HECTD3: variants seen among roughly 807,000 people sequenced by gnomAD.
The protein encoded by HECTD3 is HECT domain E3 ubiquitin protein ligase 3.
HECTD3 carries 72 observed loss-of-function variants against 109.3 expected under a neutral mutation model. That is an observed-to-expected ratio of 0.66 (90% confidence interval 0.54 to 0.80). The LOEUF is 0.80. Ranked by LOEUF, HECTD3 falls within the 30% of genes least tolerant of loss-of-function variation. The pLI is 0.00. For synonymous variants in HECTD3, 481 were observed against 471.8 expected, an observed-to-expected ratio of 1.02 and a Z score of -0.25; for missense variants, 1,041 against 1,165.2, an observed-to-expected ratio of 0.89 and a Z score of 1.55.
At position 45,004,350 on chromosome 1, in the gene HECTD3, T is replaced by G; in HGVS notation, c.2170A>C (p.Lys724Gln). Residue 724 changes from lysine (K) to glutamine (Q), a missense_variant, in exon 17 of 21, where the codon AAG becomes CAG. Physicochemically the swap from Lys to Gln is moderately conservative, Grantham distance 53 (BLOSUM62 1). Coordinates refer to ENST00000372172, the MANE Select transcript of HECTD3 (RefSeq NM_024602.6). ...TCCAGCACAGCCTGTGGTACCACCT[T>G]CAGCAGACCTGCCTGCATAGCTGCC... ...QVAAMQAGLLKVVPQAVLDLL... is the reference protein window; with the variant it reads ...QVAAMQAGLLQVVPQAVLDLL... 6.2e-7 allele frequency: 1 copy of G among 1,614,110 alleles called. No individual in the cohort carries two copies. Among genetic ancestry groups the G allele is most frequent in the Non-Finnish European group, 8.5e-7 (1 of 1,179,956 alleles).
intron 15 of HECTD3, chr1:45,005,455 T>G: frequency 4.1e-6 from 1 of 246,464 alleles, no homozygotes. Context: ...CCTGTGGGCT[T>G]TGGGATGGGG....
Position 45,009,873 on chromosome 1 carries a change from G to T in HECTD3, c.759+113C>A, listed in dbSNP as rs963784082. On this transcript the variant is annotated intron_variant, in intron 4 of 20. Coordinates refer to ENST00000372172, the MANE Select transcript of HECTD3 (RefSeq NM_024602.6). ...CAAGATGGGGAGCTGAACTGAGTGT[G>T]GCCTGTGGGGACCCTGTTTTAGTCC... 1.2e-5 allele frequency: 16 copies of T among 1,322,334 alleles called. No individual in the cohort carries two copies. The African/African-American group carries it at 2.4e-4, about 19-fold the overall frequency. 81.9% of individuals were successfully genotyped at this position (1,322,334 alleles called of 1,614,324 possible).
chr1:45,003,775 G>A lies in HECTD3; in HGVS notation c.2430-35C>T, dbSNP rs150812616. 63 of 1,613,348 alleles carry A rather than the reference G, an allele frequency of 3.9e-5. No individual in the cohort carries two copies. The African/African-American group carries it at 7.3e-4, about 19-fold the overall frequency. ...TTGAGGGACCATAGGTCAGGAAGAT[G>A]TGTTGGGGCACATGTACGTGTGTGG... On this transcript the variant is annotated intron_variant, in intron 19 of 20. Coordinates refer to ENST00000372172, the MANE Select transcript of HECTD3 (RefSeq NM_024602.6). The surrounding 1 kb of genome is among the most constrained non-coding windows in gnomAD (Gnocchi z 4.7).
chr1:45,007,073 C>T lies in HECTD3; in HGVS notation c.1557-58G>A, dbSNP rs1644741910. The T allele has an allele frequency of 1.2e-5, 19 of 1,600,676 alleles. No individual in the cohort carries two copies. In the South Asian group the frequency reaches 2.1e-4, roughly 18 times the overall value. On this transcript the variant is annotated intron_variant, in intron 11 of 20. Transcript: ENST00000372172. ...TGGGGCCAGGTGCAGCACAATTCATCAGCTCAGAGACCACCTGGGAAAAGC... is the reference window on the plus strand; with the variant it reads ...TGGGGCCAGGTGCAGCACAATTCATTAGCTCAGAGACCACCTGGGAAAAGC...
In HECTD3 at chr1:45,010,236, C is replaced by T. The variant is rs1437232312; in HGVS notation, c.588G>A (p.Pro196=). The T allele has an allele frequency of 4.3e-6, 7 of 1,613,938 alleles. No individual in the cohort carries two copies. Among genetic ancestry groups the T allele is most frequent in the Non-Finnish European group, 5.9e-6 (7 of 1,180,024 alleles). ...YSHRLGSRPQ[P]AEAYAEAVQR... ...GTACAGCTTCTGCGTATGCCTCTGCCGGCTGAGGTCTCGATCCCAGGCGAT... is the reference window on the plus strand; with the variant it reads ...GTACAGCTTCTGCGTATGCCTCTGCTGGCTGAGGTCTCGATCCCAGGCGAT... Residue 196 remains proline, a synonymous_variant, in exon 3 of 21, where the codon CCG becomes CCA. Transcript: ENST00000372172.
At position 45,006,252 on chromosome 1, in the gene HECTD3, C is replaced by A; in HGVS notation, c.1726-136G>T. On this transcript the variant is annotated intron_variant, in intron 13 of 20. Transcript: ENST00000372172. The surrounding 1 kb of genome is among the most constrained non-coding windows in gnomAD (Gnocchi z 4.7). ...TCAAATGCACAGTGGCTCCTCCTCTCCCTGTCTGCCCAGAGGTTGCCCTGA... is the reference window on the plus strand; with the variant it reads ...TCAAATGCACAGTGGCTCCTCCTCTACCTGTCTGCCCAGAGGTTGCCCTGA... 8.8e-7 allele frequency: 1 copy of A among 1,136,656 alleles called. No homozygotes were observed. Among genetic ancestry groups the A allele is most frequent in the Non-Finnish European group, 1.3e-6 (1 of 789,364 alleles). 70.4% of individuals were successfully genotyped at this position (1,136,656 alleles called of 1,614,324 possible).
chr1:45,004,007 C>T, intron 18 of HECTD3, 53 bp downstream of exon 18: 1 of 1,612,822 alleles, frequency 6.2e-7, no homozygotes. Context: ...CCTGCCTCTG[C>T]AACTCAGCAG....
rs1644737975 is a variant in HECTD3 at position 45,006,600 on chromosome 1, C to T, written c.1725+92G>A. 5.5e-6 allele frequency: 6 copies of T among 1,092,318 alleles called. No homozygotes were observed. In the South Asian group the frequency reaches 8.9e-5, roughly 16 times the overall value. 67.7% of individuals were successfully genotyped at this position (1,092,318 alleles called of 1,614,324 possible). A position where few individuals can be genotyped will look rare whatever the true frequency, so the allele number is the denominator to read the frequency against. The stretch of plus-strand genomic sequence containing the variant: ...TACAGGCGTGAGCCACTGTGCCTGC[C>T]CCCTTTCTAGCTCAATCTGGCCCCC... On this transcript the variant is annotated intron_variant, in intron 13 of 20. Coordinates refer to ENST00000372172, the MANE Select transcript of HECTD3 (RefSeq NM_024602.6). The surrounding 1 kb of genome is among the most constrained non-coding windows in gnomAD (Gnocchi z 4.7).
In HECTD3 at chr1:45,007,004, C is replaced by A. The variant is rs747456236; in HGVS notation, c.1568G>T (p.Arg523Leu). The change falls in exon 12 of 21, where the codon CGC becomes CTC. Residue 523 changes from arginine (R) to leucine (L), a missense_variant. Arg to Leu is a moderately radical substitution (Grantham distance 102). Around this residue, in one of 2 missense-constraint regions of HECTD3, gnomAD observed 569 missense variants for 715.3 expected, o/e 0.80. Transcript: ENST00000372172. ...TTTACACTCCCACCACTGGTCATAG[C>A]GCATGGGCCACCTGCAAAAAACGTG... is the stretch of plus-strand genomic sequence containing the variant. The part of the protein sequence containing the change: ...EKPLDYRWPM[R>L]YDQWWECKFI... 1 of 1,614,074 alleles carries A rather than the reference C, an allele frequency of 6.2e-7. No individual in the cohort carries two copies. The highest frequency in any genetic ancestry group is 8.5e-7 in the Non-Finnish European group (1 of 1,180,016).
At chr1:45,004,501 TC>T in intron 16 of HECTD3, 98 bp downstream of exon 16, 1 of 1,592,534 alleles carries the variant, frequency 6.3e-7, no homozygotes, top group Non-Finnish European at 8.6e-7. Flanking sequence ...GGGCCAGAGT[TC>T]TTGGAGTACT....
intron 15 of HECTD3, chr1:45,005,112 G>T: frequency 2.1e-6 from 1 of 467,094 alleles, no homozygotes; most frequent in South Asian, 2.1e-5. Flanking sequence ...AAAGGCCTAA[G>T]GAAACTGTGT....
chr1:45,006,682 C>A lies in HECTD3; in HGVS notation c.1725+10G>T. 6.2e-7 allele frequency: 1 copy of A among 1,605,798 alleles called. No individual in the cohort carries two copies. Among genetic ancestry groups the A allele is most frequent in the Non-Finnish European group, 8.5e-7 (1 of 1,174,924 alleles). ...CCTGGGAGGTTTGCAGAGATGGAAA[C>A]GGAGATTACCTGGTTGGCTGTGCGT... On this transcript the variant is annotated intron_variant, in intron 13 of 20. Transcript: ENST00000372172. This position sits in a 1 kb window ranked among gnomAD's most constrained non-coding sequence, Gnocchi z 4.7.
At position 45,010,909 on chromosome 1, in the gene HECTD3, G is replaced by T; in HGVS notation, c.349C>A (p.Leu117Ile). The T allele has an allele frequency of 6.5e-7, 1 of 1,544,014 alleles. No homozygotes were observed. The highest frequency in any genetic ancestry group is 8.6e-7 in the Non-Finnish European group (1 of 1,156,462). Reference sequence around the variant, plus strand: ...CGCACCTTTGTCAGCTTCACCCAGAGCCCGTGGCCATTGCACAGCTCCTCG... The same window carrying T: ...CGCACCTTTGTCAGCTTCACCCAGATCCCGTGGCCATTGCACAGCTCCTCG... ...TGEELCNGHG[L>I]WVKLTKEQLA... is the part of the protein sequence containing the mutation. The change falls in exon 1 of 21, where the codon CTC becomes ATC. Residue 117 changes from leucine to isoleucine, a missense_variant. By Grantham distance (5) the Leu-to-Ile change is conservative. Around this residue, in one of 2 missense-constraint regions of HECTD3, gnomAD observed 472 missense variants for 449.9 expected, o/e 1.05. Transcript: ENST00000372172.
At position 45,008,690 on chromosome 1, in the gene HECTD3, C is replaced by A. The variant is rs1644757691; in HGVS notation, c.1084G>T (p.Asp362Tyr). The stretch of plus-strand genomic sequence containing the variant: ...ATCTTGACCCCTCGGAGACGAACAT[C>A]AATCCCATCATCTGGGGGAAGGGGT... ...RIVECRDDGI[D>Y]VRLRGVKIKS... The change falls in exon 8 of 21, where the codon GAT becomes TAT. Residue 362 changes from aspartate to tyrosine, a missense_variant. By Grantham distance (160) the Asp-to-Tyr change is radical. Transcript: ENST00000372172. 6.2e-7 allele frequency: 1 copy of A among 1,613,328 alleles called. No individual in the cohort carries two copies. The highest frequency in any genetic ancestry group is 1.3e-5 in the African/African-American group (1 of 75,018).
Position 45,009,647 on chromosome 1 carries a change from C to T in HECTD3, c.796G>A (p.Ala266Thr), listed in dbSNP as rs1276960299. 2 of 1,614,082 alleles carry T rather than the reference C, an allele frequency of 1.2e-6. No homozygotes were observed. The highest frequency in any genetic ancestry group is 1.1e-5 in the South Asian group (1 of 91,080). The change falls in exon 5 of 21, where the codon GCC (alanine) becomes ACC (threonine). Residue 266 changes from alanine to threonine, a missense_variant. Ala to Thr is a moderately conservative substitution (Grantham distance 58). Coordinates refer to ENST00000372172, the MANE Select transcript of HECTD3 (RefSeq NM_024602.6). ...FNVSCLTDSN[A>T]DTYWESDGSQ... ...CCATCGCTCTCCCAGTAGGTATCGG[C>T]ATTGCTGTCTGTCAGGCAGGACACG...
intron 15 of HECTD3, chr1:45,005,445 C>T (rs1644727331): frequency 4.1e-6 from 1 of 244,752 alleles, no homozygotes. Flanking sequence ...GAAGGATGGC[C>T]CTGTGGGCTT....
chr1:45,010,166 G>A (rs762793119), intron 3 of HECTD3, 35 bp downstream of exon 3: 15 of 1,613,908 alleles, frequency 9.3e-6, no homozygotes, highest in Non-Finnish European at 1.3e-5. Flanking sequence ...CAGACGCAGA[G>A]CTCCTTCCTC....
chr1:45,005,002 G>T, intron 15 of HECTD3, 196 bp from the exon 16 acceptor site: 1 of 612,254 alleles, frequency 1.6e-6, no homozygotes, highest in Non-Finnish European at 2.9e-6. Flanking sequence ...GCCAGAGGAG[G>T]CATCCTGTGG....
chr1:45,006,330 GAGTCT>G lies in HECTD3; in HGVS notation c.1726-219_1726-215del. 1 of 510,054 alleles carries G rather than the reference GAGTCT, an allele frequency of 2.0e-6. No homozygotes were observed. 31.6% of individuals were successfully genotyped at this position (510,054 alleles called of 1,614,324 possible). A position where few individuals can be genotyped will look rare whatever the true frequency, so the allele number is the denominator to read the frequency against. On this transcript the variant is annotated intron_variant, in intron 13 of 20. Coordinates refer to ENST00000372172, the MANE Select transcript of HECTD3 (RefSeq NM_024602.6). The surrounding 1 kb of genome is among the most constrained non-coding windows in gnomAD (Gnocchi z 4.7). ...TCTATTTTTTTTTTTTTTTGAGACA[GAGTCT>G]CACTGTGTCACCCAGGCTGGAGTGC...
Sources: allele counts gnomAD v4.1 joint callset, GRCh38; gene constraint gnomAD v4.1.1; regional missense constraint gnomAD v4.1.1; non-coding constraint Gnocchi (gnomAD v3.1); transcripts MANE v1.5; gene names NCBI Gene and HGNC (gene_info 2026-07-23, HGNC 2026-07-21).